The following SGSM2 variants were observed in gnomAD, a reference collection of about 807,000 sequenced individuals.
SGSM2 encodes small G protein signaling modulator 2.
SGSM2 carries 89 observed loss-of-function variants against 126.6 expected under a neutral mutation model. The ratio of observed to expected loss-of-function variants is 0.70; its 90% confidence interval spans 0.59 to 0.84. The LOEUF is 0.84. SGSM2 is among the 40% of genes least tolerant of loss of function. The pLI is 0.00. For synonymous variants in SGSM2, 614 were observed against 574.3 expected (o/e 1.07, Z -0.99); for missense variants, 1,404 against 1,416.6 (o/e 0.99, Z 0.14).
rs1345356321 is a variant in SGSM2, at chr17:2,379,761, G to A, written c.*241G>A. ...AGCCTCAGGGAGCAGCTGCCTTGGG[G>A]GACACACCTACTCTGCTCCCCTCTC... On this transcript the variant is annotated 3_prime_UTR_variant, in exon 24 of 24. Coordinates refer to ENST00000268989, the MANE Select transcript of SGSM2 (RefSeq NM_014853.3). 6 of 1,393,600 alleles carry A rather than the reference G, an allele frequency of 4.3e-6. No individual in the cohort carries two copies. Among genetic ancestry groups the A allele is most frequent in the Non-Finnish European group, 5.6e-6 (6 of 1,072,274 alleles). 86.3% of individuals were successfully genotyped at this position (1,393,600 alleles called of 1,614,324 possible).
At chr17:2,346,773 C>T (rs2064614085) in intron 2 of SGSM2, among the ~76,000 whole-genome samples, 4 of 152,012 alleles carry the variant, frequency 2.6e-5, no homozygotes, top group African/African-American at 4.8e-5. Context: ...TGGAGGGTGG[C>T]GCTAGGAGAA....
chr17:2,354,881 T>G (rs2065027320), intron 2 of SGSM2, among the ~76,000 whole-genome samples: 1 of 136,448 alleles, frequency 7.3e-6, no homozygotes, highest in African/African-American at 3.2e-5. Flanking sequence ...GGAATCGGGG[T>G]GTAAGCGTTG....
intron 3 of SGSM2, 127 bp from the exon 4 acceptor site, chr17:2,361,982 T>C (rs62067013): frequency 0.064 from 86,938 of 1,357,306 alleles, 3,434 homozygotes; most frequent in South Asian, 0.14. Context: ...GTACCCCTCC[T>C]TCACCTCCCA....
intron 17 of SGSM2, 115 bp from the exon 18 acceptor site, chr17:2,375,377 G>A: frequency 1.5e-6 from 2 of 1,339,524 alleles, no homozygotes; most frequent in East Asian, 2.4e-5. Context: ...GGAGGCTGTG[G>A]TGGGAGAGGG....
At position 2,363,151 on chromosome 17, in the gene SGSM2, C is replaced by CA; in HGVS notation, c.672+18dup. The CA allele has an allele frequency of 6.3e-7, 1 of 1,580,318 alleles. No individual in the cohort carries two copies. The highest frequency in any genetic ancestry group is 8.6e-7 in the Non-Finnish European group (1 of 1,166,142). On this transcript the variant is annotated intron_variant, in intron 6 of 23. Transcript: ENST00000268989. This position sits in a 1 kb window ranked among gnomAD's most constrained non-coding sequence, Gnocchi z 4.2. ...GCCCTGGGGGTAGGTGCCCCCTCCC[C>CA]ACCCTTTGGGCTCATCTGGGCTATG...
chr17:2,353,582 G>A (rs2064964821), intron 2 of SGSM2, among the ~76,000 whole-genome samples: 1 of 152,104 alleles, frequency 6.6e-6, no homozygotes, highest in African/African-American at 2.4e-5. Context: ...GGGCAACATG[G>A]TGAAACCCTG....
chr17:2,379,621 C>G lies in SGSM2; in HGVS notation c.*101C>G. The G allele has an allele frequency of 1.3e-6, 2 of 1,512,402 alleles. No individual in the cohort carries two copies. The highest frequency in any genetic ancestry group is 1.8e-6 in the Non-Finnish European group (2 of 1,123,280). The allele number at this position is 1,512,402 out of a possible 1,614,324, so 93.7% of individuals were successfully genotyped here. ...CCTCCCCAGCCACCAACCGACCCCA[C>G]CTCTGTTCCTAACAAAGCGGTTGTG... On this transcript the variant is annotated 3_prime_UTR_variant, in exon 24 of 24. Transcript: ENST00000268989.
At chr17:2,343,899 A>G (rs1444004489) in intron 2 of SGSM2, among the ~76,000 whole-genome samples, 1 of 152,138 alleles carries the variant, frequency 6.6e-6, no homozygotes, top group Non-Finnish European at 1.5e-5. Context: ...TAGAACACAG[A>G]TTTCTGGGTC....
At position 2,375,483 on chromosome 17, in the gene SGSM2, AC is replaced by A; in HGVS notation, c.2101-3del. ...GTGCAGGTGGAGCCGCCCTGTGTTCACCCCCCAGGTGTTTATCTCAGTGGAT... is the reference window on the plus strand; with the variant it reads ...GTGCAGGTGGAGCCGCCCTGTGTTCACCCCCAGGTGTTTATCTCAGTGGAT... On this transcript the variant is annotated splice_region_variant and splice_polypyrimidine_tract_variant and intron_variant, in intron 17 of 23. Transcript: ENST00000268989. The A allele has an allele frequency of 2.5e-6, 4 of 1,593,828 alleles. No individual in the cohort carries two copies. The highest frequency in any genetic ancestry group is 1.4e-5 in the African/African-American group (1 of 74,010).
At chr17:2,344,883 T>C (rs1033154704) in intron 2 of SGSM2, among the ~76,000 whole-genome samples, 1 of 152,142 alleles carries the variant, frequency 6.6e-6, no homozygotes, top group Admixed American at 6.6e-5. Context: ...TCAAGGAACT[T>C]TCGTGGGGAT....
Position 2,376,130 on chromosome 17 carries a change from C to A in SGSM2, c.2485-7C>A. ...GTCTCATGCCTGAGGGCCCTCCACTCTTCCAGATAGAATTACTGGACACTG... is the reference window on the plus strand; with the variant it reads ...GTCTCATGCCTGAGGGCCCTCCACTATTCCAGATAGAATTACTGGACACTG... On this transcript the variant is annotated splice_polypyrimidine_tract_variant and splice_region_variant and intron_variant, in intron 18 of 23. Transcript: ENST00000268989. The A allele has an allele frequency of 6.2e-7, 1 of 1,614,052 alleles. No individual in the cohort carries two copies. Among genetic ancestry groups the A allele is most frequent in the Non-Finnish European group, 8.5e-7 (1 of 1,179,998 alleles).
At chr17:2,368,706 G>T (rs770304873) in intron 12 of SGSM2, among the ~76,000 whole-genome samples, 2 of 145,834 alleles carry the variant, frequency 1.4e-5, no homozygotes, top group Non-Finnish European at 3.0e-5. Flanking sequence ...GCCAGGCCTA[G>T]GTGGGAACAT....
In SGSM2 at chr17:2,380,026, C is replaced by T. The variant is rs761654862; in HGVS notation, c.*506C>T. 5.0e-6 allele frequency: 7 copies of T among 1,402,374 alleles called. No individual in the cohort carries two copies. Among genetic ancestry groups the T allele is most frequent in the Admixed American group, 3.1e-5 (1 of 31,768 alleles). 86.9% of individuals were successfully genotyped at this position (1,402,374 alleles called of 1,614,324 possible). A position where few individuals can be genotyped will look rare whatever the true frequency, so the allele number is the denominator to read the frequency against. The stretch of plus-strand genomic sequence containing the variant: ...ACCAAAACTGCTTCTGGTTTAGGCA[C>T]ACGTCACGGGTGCGGGAGACCCGGG... On this transcript the variant is annotated 3_prime_UTR_variant, in exon 24 of 24. Coordinates refer to ENST00000268989, the MANE Select transcript of SGSM2 (RefSeq NM_014853.3).
At chr17:2,359,776 C>T (rs532653639) in intron 2 of SGSM2, among the ~76,000 whole-genome samples, 2 of 152,282 alleles carry the variant, frequency 1.3e-5, no homozygotes, top group Non-Finnish European at 2.9e-5. Context: ...CAATTAATCA[C>T]ACCACTGAGG....
chr17:2,379,155 A>G lies in SGSM2; in HGVS notation c.3019A>G (p.Ile1007Val). 1.2e-6 allele frequency: 2 copies of G among 1,614,136 alleles called. No individual in the cohort carries two copies. The highest frequency in any genetic ancestry group is 2.2e-5 in the South Asian group (2 of 91,074). ...CCTGGTGGAGGCCTACCGAGAGATC[A>G]TCCGTGACAACAACATGGACTTCAC... ...LALVEAYREI[I>V]RDNNMDFTDI... Residue 1007 changes from isoleucine (I) to valine (V), a missense_variant, in exon 23 of 24, where the codon ATC becomes GTC. Transcript: ENST00000268989.
chr17:2,343,498 G>A (rs555913928), intron 1 of SGSM2, 47 bp from the exon 2 acceptor site: 2 of 1,589,800 alleles, frequency 1.3e-6, no homozygotes, highest in South Asian at 2.2e-5. Flanking sequence ...AGAGGTCTTT[G>A]ATAAGGGAAA....
chr17:2,354,852 CCCTATA>C (rs1468197718), intron 2 of SGSM2, among the ~76,000 whole-genome samples: 6,416 of 151,296 alleles, frequency 0.042, 1,011 homozygotes, highest in African/African-American at 0.11. Flanking sequence ...GGGGCAGGGA[CCCTATA>C]TCTTAGAATG....
chr17:2,380,766 A>G lies in SGSM2; in HGVS notation c.*1246A>G. 1 of 196,098 alleles carries G rather than the reference A, an allele frequency of 5.1e-6. No homozygotes were observed. Among genetic ancestry groups the G allele is most frequent in the South Asian group, 8.6e-5 (1 of 11,590 alleles). 12.1% of individuals were successfully genotyped at this position (196,098 alleles called of 1,614,324 possible). On this transcript the variant is annotated 3_prime_UTR_variant, in exon 24 of 24. Transcript: ENST00000268989. ...TCCAGCAGCCACCAAAGTCTGGCAG[A>G]CTTTCTGCATTTGAGAAACATGACA...
intron 22 of SGSM2, 31 bp downstream of exon 22, chr17:2,377,984 G>A (rs374487655): frequency 4.7e-5 from 63 of 1,353,278 alleles, no homozygotes; most frequent in Non-Finnish European, 6.2e-5. Context: ...TGGGGCTGAG[G>A]TCAGGGACAG....
Sources: allele counts gnomAD v4.1 joint callset (sites outside exome capture counted in the v4.1 genomes callset), GRCh38; gene constraint gnomAD v4.1.1; non-coding constraint Gnocchi (gnomAD v3.1); transcripts MANE v1.5; gene names NCBI Gene and HGNC (gene_info 2026-07-23, HGNC 2026-07-21).